Variants in PCIF1 observed in about 807,000 individuals in gnomAD.
PCIF1 encodes the protein mRNA (2'-O-methyladenosine-N(6)-)-methyltransferase.
PCIF1 carries 12 observed loss-of-function variants against 86.9 expected under a neutral mutation model. That is an observed-to-expected ratio of 0.14 (90% confidence interval 0.09 to 0.22). PCIF1 has a LOEUF of 0.22. Ranked by LOEUF, PCIF1 falls within the 10% of genes least tolerant of loss-of-function variation. PCIF1 has a pLI of 1.00. For synonymous variants in PCIF1, 397 were observed against 372.0 expected, an observed-to-expected ratio of 1.07 and a Z score of -0.77; for missense variants, 701 against 951.1, an observed-to-expected ratio of 0.74 and a Z score of 3.46.
chr20:45,941,030 A>T (rs1216409680), intron 6 of PCIF1, 23 bp from the exon 7 acceptor site: 2 of 1,614,000 alleles, frequency 1.2e-6, no homozygotes, highest in Non-Finnish European at 8.5e-7. Flanking sequence ...GGACATCCTC[A>T]TCACTCCTCT....
chr20:45,942,054 C>T (rs1401016448), intron 7 of PCIF1, among the ~76,000 whole-genome samples: 1 of 150,080 alleles, frequency 6.7e-6, no homozygotes, highest in Non-Finnish European at 1.5e-5. Flanking sequence ...CGGCTCACTG[C>T]AACCTCCACC....
Position 45,946,238 on chromosome 20 carries a change from G to C in PCIF1, c.1467G>C (p.Leu489=). The change falls in exon 14 of 17, where the codon CTG becomes CTC. Residue 489 remains leucine, a synonymous_variant. Transcript: ENST00000372409. Reference sequence around the variant, plus strand: ...TGGGCCTCTACGAGGGGACTGGCCTGCAGGGATCGCTGCCTGTGCATGTCT... The same window carrying C: ...TGGGCCTCTACGAGGGGACTGGCCTCCAGGGATCGCTGCCTGTGCATGTCT... ...FGVGLYEGTG[L]QGSLPVHVFE... is the part of the protein sequence containing the mutation. 6.2e-7 allele frequency: 1 copy of C among 1,614,202 alleles called. No individual in the cohort carries two copies. Among genetic ancestry groups the C allele is most frequent in the South Asian group, 1.1e-5 (1 of 91,090 alleles).
At chr20:45,942,044 C>T (rs7267295) in intron 7 of PCIF1, among the ~76,000 whole-genome samples, 21,265 of 141,528 alleles carry the variant, frequency 0.15, 1,566 homozygotes, top group Non-Finnish European at 0.16. Flanking sequence ...GGCGTGATCT[C>T]GGCTCACTGC....
intron 6 of PCIF1, 51 bp from the exon 7 acceptor site, chr20:45,941,000 TGG>T: frequency 1.2e-6 from 2 of 1,613,970 alleles, no homozygotes; most frequent in South Asian, 2.2e-5. Flanking sequence ...TCTGGGACTG[TGG>T]GGTGGTGTGG....
At chr20:45,939,494 A>C (rs2083452271) in intron 4 of PCIF1, among the ~76,000 whole-genome samples, 155 bp downstream of exon 4, 1 of 152,216 alleles carries the variant, frequency 6.6e-6, no homozygotes, top group South Asian at 2.1e-4. Flanking sequence ...GCCCTCATGG[A>C]ACCTACACTC....
rs917498104 is a variant in PCIF1 at position 45,940,838 on chromosome 20, G to T, written c.417G>T (p.Gln139His). 3.7e-6 allele frequency: 6 copies of T among 1,614,092 alleles called. No individual in the cohort carries two copies. The highest frequency in any genetic ancestry group is 1.3e-5 in the African/African-American group (1 of 75,048). The change falls in exon 6 of 17, where the codon CAG (glutamine) becomes CAT (histidine). Residue 139 changes from glutamine to histidine, a missense_variant. Gln to His is a conservative substitution (Grantham distance 24). This residue lies in a region of PCIF1 where 125 missense variants were observed against 126.8 expected (regional missense o/e 0.99). Transcript: ENST00000372409. The part of the protein sequence containing the change: ...KIEIPVTPTG[Q>H]SVPSSPSIPG... Reference sequence around the variant, plus strand: ...AAATCCCAGTGACACCCACAGGCCAGTCGGTGCCCAGCTCCCCCAGTATCC... The same window carrying T: ...AAATCCCAGTGACACCCACAGGCCATTCGGTGCCCAGCTCCCCCAGTATCC...
At chr20:45,937,370 C>G (rs1012757430) in intron 1 of PCIF1, 48 bp from the exon 2 acceptor site, 8 of 399,088 alleles carry the variant, frequency 2.0e-5, no homozygotes, top group East Asian at 1.1e-4. Context: ...TTGTCCCTGC[C>G]CTGCAGCATC....
At position 45,947,637 on chromosome 20, in the gene PCIF1, C is replaced by A; in HGVS notation, c.1997C>A (p.Ala666Asp). ...GAACGGCTGCAGGAGCTGAGTGCTG[C>A]CTACCGGCAGTCAGGCCGCAGCCAC... ...TPERLQELSA[A>D]YRQSGRSHSS... Residue 666 changes from alanine (A) to aspartate (D), a missense_variant, in exon 17 of 17, where the codon GCC becomes GAC. Physicochemically the swap from Ala to Asp is moderately radical, Grantham distance 126 (BLOSUM62 -2). Coordinates refer to ENST00000372409, the MANE Select transcript of PCIF1 (RefSeq NM_022104.4). The surrounding 1 kb of genome is among the most constrained non-coding windows in gnomAD (Gnocchi z 5.4). The A allele has an allele frequency of 6.2e-7, 1 of 1,612,636 alleles. No individual in the cohort carries two copies. The highest frequency in any genetic ancestry group is 1.1e-5 in the South Asian group (1 of 91,082).
chr20:45,937,898 A>C, intron 2 of PCIF1: 4 of 251,560 alleles, frequency 1.6e-5, no homozygotes, highest in Admixed American at 5.5e-5. Context: ...TCAACAACCA[A>C]TCAGAGCTTC....
intron 1 of PCIF1, among the ~76,000 whole-genome samples, chr20:45,937,054 A>G (rs2083433141): frequency 6.6e-6 from 1 of 152,138 alleles, no homozygotes; most frequent in Admixed American, 6.5e-5. Context: ...TGCCCAGCCT[A>G]AGGGTACTTC....
In PCIF1 at chr20:45,945,800, G is replaced by C. The variant is rs1482015432; in HGVS notation, c.1258G>C (p.Glu420Gln). The part of the protein sequence containing the change: ...AVSAPPMPSV[E>Q]MHMENNVVCI... ...GTCTGCACCGCCCATGCCCAGCGTG[G>C]AGATGCACATGGAGAACAACGTGGT... is the stretch of plus-strand genomic sequence containing the variant. The change falls in exon 12 of 17, where the codon GAG becomes CAG. Residue 420 changes from glutamate (E) to glutamine (Q), a missense_variant. Coordinates refer to ENST00000372409, the MANE Select transcript of PCIF1 (RefSeq NM_022104.4). The C allele has an allele frequency of 1.2e-6, 2 of 1,613,908 alleles. No homozygotes were observed. The highest frequency in any genetic ancestry group is 1.7e-6 in the Non-Finnish European group (2 of 1,180,032).
chr20:45,940,249 A>G (rs1015211992), intron 4 of PCIF1, among the ~76,000 whole-genome samples: 12 of 152,204 alleles, frequency 7.9e-5, no homozygotes, highest in Non-Finnish European at 1.3e-4. Flanking sequence ...TGTAGGGATT[A>G]GCATGGCCAT....
intron 12 of PCIF1, 48 bp from the exon 13 acceptor site, chr20:45,945,981 C>A: frequency 6.2e-7 from 1 of 1,613,024 alleles, no homozygotes; most frequent in East Asian, 2.2e-5. Context: ...GTGATGAGGA[C>A]ATGAGGGAGC....
chr20:45,935,202 G>A (rs895024023), intron 1 of PCIF1, among the ~76,000 whole-genome samples: 6 of 149,338 alleles, frequency 4.0e-5, no homozygotes, highest in African/African-American at 1.5e-4. Context: ...GTGCGCGCGC[G>A]CGCGCGCGCT....
chr20:45,945,169 T>C, intron 11 of PCIF1, 139 bp downstream of exon 11: 1 of 1,059,842 alleles, frequency 9.4e-7, no homozygotes, highest in Non-Finnish European at 1.3e-6. Flanking sequence ...TGTACTTCTC[T>C]GGGAAACGGA....
Position 45,947,879 on chromosome 20 carries a change from C to T in PCIF1, c.*124C>T. The T allele has an allele frequency of 2.6e-6, 4 of 1,530,370 alleles. No homozygotes were observed. The highest frequency in any genetic ancestry group is 1.7e-4 in the Middle Eastern group (1 of 5,918). The allele number at this position is 1,530,370 out of a possible 1,614,324, so 94.8% of individuals were successfully genotyped here. ...TGAAGATTATGGTTCTGCCAGGGCT[C>T]CCCTCCCTGCCTGTCCCCAAGTCCT... On this transcript the variant is annotated 3_prime_UTR_variant, in exon 17 of 17. Transcript: ENST00000372409. This position sits in a 1 kb window ranked among gnomAD's most constrained non-coding sequence, Gnocchi z 5.4.
In PCIF1 at chr20:45,943,045, A is replaced by G; in HGVS notation, c.674-52A>G. ...TGCTTCCTATACGTGCCAAGCTCCA[A>G]GTGGGACTGCTTGATTAAATCCAGG... On this transcript the variant is annotated intron_variant, in intron 7 of 16. Coordinates refer to ENST00000372409, the MANE Select transcript of PCIF1 (RefSeq NM_022104.4). This position sits in a 1 kb window ranked among gnomAD's most constrained non-coding sequence, Gnocchi z 5.5. The G allele has an allele frequency of 1.9e-6, 3 of 1,578,038 alleles. No individual in the cohort carries two copies. Among genetic ancestry groups the G allele is most frequent in the Middle Eastern group, 1.7e-4 (1 of 5,962 alleles).
chr20:45,945,396 C>T (rs775545507), intron 11 of PCIF1, among the ~76,000 whole-genome samples: 8 of 152,188 alleles, frequency 5.3e-5, no homozygotes, highest in Non-Finnish European at 8.8e-5. Context: ...ATTACGATGA[C>T]GGCGATGCAG....
chr20:45,940,118 A>G (rs1486273374), intron 4 of PCIF1, among the ~76,000 whole-genome samples: 1 of 152,210 alleles, frequency 6.6e-6, no homozygotes, highest in Non-Finnish European at 1.5e-5. Flanking sequence ...TGAGCTTTTC[A>G]TTTATTCCTC....
Sources: allele counts gnomAD v4.1 joint callset (sites outside exome capture counted in the v4.1 genomes callset), GRCh38; gene constraint gnomAD v4.1.1; regional missense constraint gnomAD v4.1.1; non-coding constraint Gnocchi (gnomAD v3.1); transcripts MANE v1.5; gene names NCBI Gene and HGNC (gene_info 2026-07-23, HGNC 2026-07-21).